CEP170: variants seen among roughly 807,000 people sequenced by gnomAD.
CEP170 encodes the protein centrosomal protein 170.
A neutral mutation model predicts 151.9 loss-of-function variants in CEP170; 21 were observed. The ratio of observed to expected loss-of-function variants is 0.14; its 90% CI spans 0.10 to 0.20. The LOEUF is 0.20. Among genes scored for constraint, CEP170 ranks in the 10% least tolerant of loss-of-function variants. CEP170 has a pLI of 1.00. For missense variants in CEP170, 964 were observed against 1,892.9 expected (o/e 0.51, Z 9.11); for synonymous variants, 356 against 648.8 (o/e 0.55, Z 6.86).
chr1:243,185,243 C>CCTGATAAACAAAATAA lies in CEP170; in HGVS notation c.1566+535_1566+536insTTATTTTGTTTATCAG, dbSNP rs1278780839. 6.6e-6 allele frequency among the ~76,000 whole-genome samples: 1 copy of CCTGATAAACAAAATAA among 152,132 alleles called. No individual in the cohort carries two copies. Among genetic ancestry groups the CCTGATAAACAAAATAA allele is most frequent in the East Asian group, 1.9e-4 (1 of 5,196 alleles). ...TTAAACTAGTAAACTAAATCATAAA[C>CCTGATAAACAAAATAA]AACTGATTTTGTTTTCATATACTTC... On this transcript the variant is annotated intron_variant, in intron 10 of 19. Coordinates refer to ENST00000366542, the MANE Select transcript of CEP170 (RefSeq NM_014812.3). This position sits in a 1 kb window ranked among gnomAD's most constrained non-coding sequence, Gnocchi z 4.9.
At position 243,164,935 on chromosome 1, in the gene CEP170, C is replaced by G; in HGVS notation, c.3025G>C (p.Val1009Leu). 1.2e-6 allele frequency: 2 copies of G among 1,613,898 alleles called. No individual in the cohort carries two copies. The highest frequency in any genetic ancestry group is 1.7e-6 in the Non-Finnish European group (2 of 1,179,744). The change falls in exon 13 of 20, where the codon GTT becomes CTT. Residue 1009 changes from valine to leucine, a missense_variant. Coordinates refer to ENST00000366542, the MANE Select transcript of CEP170 (RefSeq NM_014812.3). ...TGTCTTATTCTCCCACTGGACTGAACAAATTTACGACCATCTGCTCTTGAA... is the reference window on the plus strand; with the variant it reads ...TGTCTTATTCTCCCACTGGACTGAAGAAATTTACGACCATCTGCTCTTGAA... ...VGSRADGRKFVQSSGRIRQPS... is the reference protein window; with the variant it reads ...VGSRADGRKFLQSSGRIRQPS...
chr1:243,190,267 T>C (rs1008715826), intron 8 of CEP170, among the ~76,000 whole-genome samples: 7 of 152,124 alleles, frequency 4.6e-5, no homozygotes, highest in African/African-American at 9.7e-5. Flanking sequence ...AAATAAAAGA[T>C]AGGGTAACAT....
chr1:243,191,865 A>G (rs1558548536), intron 7 of CEP170, among the ~76,000 whole-genome samples: 1 of 152,210 alleles, frequency 6.6e-6, no homozygotes, highest in East Asian at 1.9e-4. Context: ...GTATATATAA[A>G]AAGTGACAGA....
At position 243,165,910 on chromosome 1, in the gene CEP170, T is replaced by A. The variant is rs768322518; in HGVS notation, c.2050A>T (p.Thr684Ser). 6.2e-7 allele frequency: 1 copy of A among 1,613,828 alleles called. No homozygotes were observed. Among genetic ancestry groups the A allele is most frequent in the Non-Finnish European group, 8.5e-7 (1 of 1,179,732 alleles). ...TGTTTATCTTTCTGGTATACCTGTG[T>A]AGGTGTTTCTTTCTCCTGAAGTTCT... ...DTELQEKETP[T>S]QVYQKDKQDA... The change falls in exon 13 of 20, where the codon ACA becomes TCA. Residue 684 changes from threonine (T) to serine (S), a missense_variant. By Grantham distance (58) the Thr-to-Ser change is moderately conservative. Coordinates refer to ENST00000366542, the MANE Select transcript of CEP170 (RefSeq NM_014812.3).
intron 1 of CEP170, among the ~76,000 whole-genome samples, chr1:243,233,741 A>AATAT (rs1303987181): frequency 1.7e-4 from 24 of 140,412 alleles, no homozygotes; most frequent in African/African-American, 6.1e-4. Flanking sequence ...TCAAAAAAAA[A>AATAT]ATATATATAT....
At chr1:243,177,507 C>A (rs546677213) in intron 10 of CEP170, among the ~76,000 whole-genome samples, 1 of 152,324 alleles carries the variant, frequency 6.6e-6, no homozygotes, top group South Asian at 2.1e-4. Context: ...ATAACCAGAA[C>A]ATCTTCCTCC....
chr1:243,176,987 CA>C (rs1338418796), intron 10 of CEP170, among the ~76,000 whole-genome samples: 46 of 152,282 alleles, frequency 3.0e-4, no homozygotes, highest in Non-Finnish European at 5.9e-4. Flanking sequence ...TTTTCACTAG[CA>C]TATTATGATC....
intron 10 of CEP170, among the ~76,000 whole-genome samples, chr1:243,179,047 G>A (rs2059447951): frequency 6.6e-6 from 1 of 152,094 alleles, no homozygotes; most frequent in African/African-American, 2.4e-5. Flanking sequence ...TCCTGTCTGG[G>A]TGAAAACATG....
intron 15 of CEP170, chr1:243,140,430 G>C (rs539253234): frequency 1.6e-4 from 31 of 192,876 alleles, no homozygotes; most frequent in Non-Finnish European, 3.2e-4. Flanking sequence ...CATGTAGATG[G>C]ACAATGAGTT....
intron 16 of CEP170, among the ~76,000 whole-genome samples, chr1:243,139,306 T>C (rs1333592632): frequency 6.6e-6 from 1 of 152,124 alleles, no homozygotes; most frequent in African/African-American, 2.4e-5. Context: ...TTCACCATGT[T>C]GGCCAGGCTG....
chr1:243,199,013 CT>C (rs1362011622), intron 7 of CEP170, 46 bp downstream of exon 7: 2 of 987,350 alleles, frequency 2.0e-6, no homozygotes, highest in South Asian at 2.9e-5. Flanking sequence ...ATTACAGATA[CT>C]TCCCAAAATA....
At chr1:243,245,848 A>C (rs760348162) in intron 1 of CEP170, among the ~76,000 whole-genome samples, 4 of 152,122 alleles carry the variant, frequency 2.6e-5, no homozygotes, top group Non-Finnish European at 5.9e-5. Context: ...TGGGAGACTG[A>C]GCGGAGAGGA....
intron 3 of CEP170, among the ~76,000 whole-genome samples, chr1:243,217,081 G>C (rs934150889): frequency 2.2e-4 from 34 of 152,146 alleles, no homozygotes; most frequent in African/African-American, 7.2e-4. Flanking sequence ...ATTGCTCCTA[G>C]GCTACAAATC....
chr1:243,150,304 T>C (rs2056942074), intron 14 of CEP170, among the ~76,000 whole-genome samples: 1 of 152,014 alleles, frequency 6.6e-6, no homozygotes, highest in African/African-American at 2.4e-5. Context: ...GTGCATGCCA[T>C]CACACCCGGC....
At chr1:243,218,378 TGGA>T (rs913699077) in intron 3 of CEP170, among the ~76,000 whole-genome samples, 1 of 152,164 alleles carries the variant, frequency 6.6e-6, no homozygotes, top group African/African-American at 2.4e-5. Flanking sequence ...AGGGCCCCAG[TGGA>T]GGAGGCAGGG....
intron 3 of CEP170, among the ~76,000 whole-genome samples, chr1:243,214,003 C>T (rs926989870): frequency 2.6e-5 from 4 of 152,120 alleles, no homozygotes; most frequent in Non-Finnish European, 4.4e-5. Context: ...AAGCCACCAT[C>T]GCCAGCCTCA....
chr1:243,226,255 GTATA>G (rs1206426790), intron 1 of CEP170, among the ~76,000 whole-genome samples: 5 of 147,198 alleles, frequency 3.4e-5, no homozygotes, highest in Non-Finnish European at 6.0e-5. Context: ...ATATATGTAT[GTATA>G]TATATAGTTT....
At chr1:243,212,626 T>A (rs189073950) in intron 3 of CEP170, among the ~76,000 whole-genome samples, 57 of 152,230 alleles carry the variant, frequency 3.7e-4, no homozygotes, top group Non-Finnish European at 8.8e-5. Flanking sequence ...GACAAAAGAA[T>A]AACAGAAGCA....
At chr1:243,170,175 C>G (rs2058726872) in intron 11 of CEP170, among the ~76,000 whole-genome samples, 2 of 152,062 alleles carry the variant, frequency 1.3e-5, no homozygotes, top group African/African-American at 4.8e-5. Flanking sequence ...ATAATGAGGT[C>G]AGGAGATCGA....
Sources: allele counts gnomAD v4.1 joint callset (sites outside exome capture counted in the v4.1 genomes callset), GRCh38; gene constraint gnomAD v4.1.1; non-coding constraint Gnocchi (gnomAD v3.1); transcripts MANE v1.5; gene names NCBI Gene and HGNC (gene_info 2026-07-23, HGNC 2026-07-21).